Variants in ANO2 observed in about 807,000 individuals in gnomAD.
ANO2 encodes the protein anoctamin-2.
In ANO2, 101 loss-of-function variants were observed where a neutral mutation model predicts 124.2. The observed-to-expected ratio is 0.81, with a 90% CI of 0.69 to 0.96. The LOEUF (loss-of-function observed/expected upper bound fraction) is 0.96, where lower values mean the gene tolerates loss of function less well. ANO2 is among the 40% of genes least tolerant of loss of function. The pLI, the probability that ANO2 is intolerant of heterozygous loss-of-function variation, is 0.00. For synonymous variants in ANO2, 486 were observed against 482.5 expected (o/e 1.01, Z -0.09); for missense variants, 1,293 against 1,274.5 (o/e 1.01, Z -0.22).
In ANO2 at chr12:5,903,359, A is replaced by G. The variant is rs115701287; in HGVS notation, c.534+17681T>C. Among the ~76,000 whole-genome samples the G allele has an allele frequency of 3.2e-3, 492 of 152,300 alleles. 4 individuals are homozygous for G. The highest frequency in any genetic ancestry group is 0.011 in the African/African-American group (467 of 41,554). ...TGCACTGGGCTCTTTAACATACATT[A>G]TATCATTTAATTATTTGTTTCCTGG... On this transcript the variant is annotated intron_variant, in intron 3 of 24. Transcript: ENST00000682330.
At chr12:5,726,767 A>T (rs1327336918) in intron 14 of ANO2, among the ~76,000 whole-genome samples, 1 of 152,230 alleles carries the variant, frequency 6.6e-6, no homozygotes, top group Non-Finnish European at 1.5e-5. Context: ...ATAAGAGCTA[A>T]GTTACTACCA....
intron 3 of ANO2, among the ~76,000 whole-genome samples, chr12:5,859,814 G>C (rs557167522): frequency 2.2e-4 from 34 of 152,228 alleles, no homozygotes; most frequent in African/African-American, 7.7e-4. Flanking sequence ...AATTACAGAC[G>C]TGAGTCACCA....
chr12:5,785,992 G>A (rs577960403), intron 10 of ANO2, among the ~76,000 whole-genome samples: 36 of 151,240 alleles, frequency 2.4e-4, no homozygotes, highest in African/African-American at 8.5e-4. Context: ...CAAAGCCAGA[G>A]AGGCGAAAGA....
At position 5,859,592 on chromosome 12, in the gene ANO2, G is replaced by A. The variant is rs1055350777; in HGVS notation, c.535-5451C>T. Among the ~76,000 whole-genome samples the A allele has an allele frequency of 2.0e-5, 3 of 151,972 alleles. No individual in the cohort carries two copies. The East Asian group carries it at 5.8e-4, about 29-fold the overall frequency. ...GCTTTGTCTCCCAGGCTGGAGTGCA[G>A]TGGCACCATCTTGGCTCACTGCAAC... On this transcript the variant is annotated intron_variant, in intron 3 of 24. Coordinates refer to ENST00000682330, the MANE Select transcript of ANO2 (RefSeq NM_001364791.2).
intron 4 of ANO2, among the ~76,000 whole-genome samples, chr12:5,842,473 C>T (rs1427748317): frequency 1.3e-5 from 2 of 152,134 alleles, no homozygotes; most frequent in Admixed American, 6.5e-5. Context: ...GCCCTTTTCT[C>T]GCAGGCAGCC....
At chr12:5,694,417 A>T (rs1340113273) in intron 14 of ANO2, among the ~76,000 whole-genome samples, 1 of 152,166 alleles carries the variant, frequency 6.6e-6, no homozygotes, top group Non-Finnish European at 1.5e-5. Flanking sequence ...AGCAGTTCAG[A>T]CCCACTAGCG....
chr12:5,610,226 C>T (rs56300642), intron 19 of ANO2, among the ~76,000 whole-genome samples: 1 of 99,406 alleles, frequency 1.0e-5, no homozygotes, highest in Non-Finnish European at 1.9e-5. Flanking sequence ...TAAATATATA[C>T]TTATATAAAT....
chr12:5,773,559 C>A (rs954075507), intron 10 of ANO2, among the ~76,000 whole-genome samples: 22 of 152,210 alleles, frequency 1.4e-4, no homozygotes, highest in African/African-American at 4.8e-4. Context: ...TAGCTACCAT[C>A]ATCATCATCT....
At chr12:5,735,279 T>C (rs538550851) in intron 13 of ANO2, among the ~76,000 whole-genome samples, 94 of 152,176 alleles carry the variant, frequency 6.2e-4, no homozygotes, top group Non-Finnish European at 1.0e-3. Context: ...ACCCCTCCCA[T>C]CGAGACTCTG....
At position 5,658,454 on chromosome 12, in the gene ANO2, TCA is replaced by T. The variant is rs1947273727; in HGVS notation, c.1546-10655_1546-10654del. ...ATCAAAATTAACATAATCATCAACA[TCA>T]TCATCATATCATCACTATCATCATC... is the stretch of plus-strand genomic sequence containing the variant. On this transcript the variant is annotated intron_variant, in intron 14 of 24. Coordinates refer to ENST00000682330, the MANE Select transcript of ANO2 (RefSeq NM_001364791.2). The surrounding 1 kb of genome is among the most constrained non-coding windows in gnomAD (Gnocchi z 4.3). 7.1e-5 allele frequency among the ~76,000 whole-genome samples: 2 copies of T among 28,186 alleles called. No individual in the cohort carries two copies. The highest frequency in any genetic ancestry group is 6.1e-3 in the South Asian group (2 of 328). 18.5% of individuals were successfully genotyped at this position (28,186 alleles called of 152,430 possible).
intron 3 of ANO2, among the ~76,000 whole-genome samples, chr12:5,913,682 C>T (rs950597523): frequency 1.3e-5 from 2 of 152,220 alleles, no homozygotes; most frequent in African/African-American, 4.8e-5. Flanking sequence ...CTTGGCCAAG[C>T]CACTTGGCCT....
At chr12:5,675,111 G>T (rs554699665) in intron 14 of ANO2, among the ~76,000 whole-genome samples, 354 of 152,268 alleles carry the variant, frequency 2.3e-3, no homozygotes, top group Non-Finnish European at 3.6e-3. Flanking sequence ...ATGAATAGAT[G>T]GATGGATGAA....
chr12:5,573,435 G>A (rs1230736807), intron 23 of ANO2, among the ~76,000 whole-genome samples: 2 of 151,186 alleles, frequency 1.3e-5, no homozygotes, highest in Non-Finnish European at 2.9e-5. Flanking sequence ...CATTGGACAT[G>A]GAGGTGGAGA....
chr12:5,713,553 G>A (rs180723101), intron 14 of ANO2, among the ~76,000 whole-genome samples: 24 of 152,210 alleles, frequency 1.6e-4, no homozygotes, highest in Non-Finnish European at 2.2e-4. Context: ...CATTGTCATC[G>A]GCATTGTGAC....
At chr12:5,935,274 T>C (rs941003440) in intron 1 of ANO2, among the ~76,000 whole-genome samples, 3 of 152,088 alleles carry the variant, frequency 2.0e-5, no homozygotes, top group Admixed American at 2.0e-4. Flanking sequence ...TAATAATCTT[T>C]GAGGGCAGAG....
At chr12:5,910,235 A>T (rs765973862) in intron 3 of ANO2, among the ~76,000 whole-genome samples, 1 of 152,210 alleles carries the variant, frequency 6.6e-6, no homozygotes, top group Non-Finnish European at 1.5e-5. Context: ...GCTGGAGTGC[A>T]GTGGCACAAT....
intron 16 of ANO2, among the ~76,000 whole-genome samples, chr12:5,618,231 G>A (rs1307553753): frequency 6.6e-6 from 1 of 152,128 alleles, no homozygotes; most frequent in Non-Finnish European, 1.5e-5. Flanking sequence ...CCTGTCCTAT[G>A]CACAGGTGAA....
At chr12:5,631,777 G>A (rs747553678) in intron 16 of ANO2, among the ~76,000 whole-genome samples, 6 of 152,194 alleles carry the variant, frequency 3.9e-5, no homozygotes, top group Non-Finnish European at 8.8e-5. Flanking sequence ...GGGTGACCAT[G>A]AGCTGAGTGG....
At chr12:5,770,463 AC>A (rs1481508741) in intron 10 of ANO2, among the ~76,000 whole-genome samples, 1 of 152,032 alleles carries the variant, frequency 6.6e-6, no homozygotes. Flanking sequence ...AGCATACAGA[AC>A]CACATCTAGT....
Sources: gnomAD v4.1 joint callset for allele counts (sites outside exome capture counted in the v4.1 genomes callset) on GRCh38, gnomAD v4.1.1 for gene constraint, Gnocchi (gnomAD v3.1) non-coding constraint, MANE v1.5 for transcripts, NCBI Gene and HGNC (gene_info 2026-07-23, HGNC 2026-07-21) for gene names.